C9orf57: variants seen among roughly 807,000 people sequenced by gnomAD.
The protein encoded by C9orf57 is chromosome 9 open reading frame 57.
In C9orf57, 12 loss-of-function variants were observed where a neutral mutation model predicts 12.9. The ratio of observed to expected loss-of-function variants is 0.93; its 90% CI spans 0.60 to 1.51. The LOEUF (loss-of-function observed/expected upper bound fraction) is 1.51, where lower values mean the gene tolerates loss of function less well. Ranked by LOEUF, C9orf57 falls within the 40% of genes most tolerant of loss-of-function variation. The pLI is 0.00. For synonymous variants in C9orf57, 49 were observed against 57.1 expected (o/e 0.86, Z 0.64); for missense variants, 141 against 162.8 (o/e 0.87, Z 0.73).
intron 1 of C9orf57, among the ~76,000 whole-genome samples, chr9:72,060,051 A>ATTG (rs373685847): frequency 7.0e-4 from 101 of 145,298 alleles, no homozygotes; most frequent in Middle Eastern, 3.5e-3. Flanking sequence ...AATTATTATT[A>ATTG]TTATTATTAT....
intron 4 of C9orf57, among the ~76,000 whole-genome samples, chr9:72,054,782 C>T (rs1200753919): frequency 6.6e-6 from 1 of 151,640 alleles, no homozygotes; most frequent in Non-Finnish European, 1.5e-5. Flanking sequence ...TAATGTTATC[C>T]ATGTTTCTTA....
At chr9:72,059,498 G>A in intron 1 of C9orf57, 114 bp from the exon 2 acceptor site, 1 of 1,237,534 alleles carries the variant, frequency 8.1e-7, no homozygotes, top group African/African-American at 1.5e-5. Flanking sequence ...TTGTGAAGGA[G>A]GAAAAATAAG....
chr9:72,053,580 T>C (rs1346621781), intron 4 of C9orf57, among the ~76,000 whole-genome samples: 1 of 152,108 alleles, frequency 6.6e-6, no homozygotes, highest in African/African-American at 2.4e-5. Context: ...AGTCTGGATA[T>C]GTTTCCCATT....
rs1375310314 is a variant in C9orf57, at chr9:72,056,932, AG to A, written c.98-90del. 7.9e-6 allele frequency: 8 copies of A among 1,014,730 alleles called. No homozygotes were observed. The East Asian group carries it at 1.1e-4, about 14-fold the overall frequency. The allele number at this position is 1,014,730 out of a possible 1,614,324, so 62.9% of individuals were successfully genotyped here. ...GTATACTTTTTTTTTTTTTTGAGAC[AG>A]GGTTGCACTCCTGTTACCCAGGCTG... On this transcript the variant is annotated intron_variant, in intron 2 of 4. Coordinates refer to ENST00000651200, the MANE Select transcript of C9orf57 (RefSeq NM_001128618.2).
chr9:72,057,462 G>C (rs1007696191), intron 2 of C9orf57, among the ~76,000 whole-genome samples: 3 of 151,934 alleles, frequency 2.0e-5, no homozygotes, highest in Non-Finnish European at 4.4e-5. Flanking sequence ...CCTAACTCAG[G>C]TGATCTACCC....
chr9:72,055,988 G>A (rs1026204977), intron 4 of C9orf57, 86 bp downstream of exon 4: 2 of 1,390,476 alleles, frequency 1.4e-6, no homozygotes, highest in Non-Finnish European at 1.9e-6. Flanking sequence ...AGCCCTTAGT[G>A]TAGCATCTGG....
intron 3 of C9orf57, 26 bp from the exon 4 acceptor site, chr9:72,056,222 A>G (rs1420010194): frequency 1.3e-6 from 2 of 1,540,522 alleles, no homozygotes; most frequent in African/African-American, 2.7e-5. Flanking sequence ...CAGAAAAATG[A>G]GAAAGTAGTG....
intron 2 of C9orf57, 22 bp from the exon 3 acceptor site, chr9:72,056,865 G>C (rs1448585408): frequency 8.4e-6 from 13 of 1,545,016 alleles, no homozygotes; most frequent in Non-Finnish European, 1.1e-5. Context: ...CCATGGAAGG[G>C]GATTGAAAGA....
chr9:72,054,870 A>T (rs1404301426), intron 4 of C9orf57, among the ~76,000 whole-genome samples: 3 of 145,562 alleles, frequency 2.1e-5, no homozygotes, highest in Non-Finnish European at 4.5e-5. Context: ...CTCTTCATAT[A>T]TTCAAATGTA....
intron 2 of C9orf57, among the ~76,000 whole-genome samples, chr9:72,057,497 A>G (rs1209743300): frequency 6.6e-6 from 1 of 152,178 alleles, no homozygotes; most frequent in Non-Finnish European, 1.5e-5. Flanking sequence ...GAGTGCTGGG[A>G]TTACAGGTGT....
At chr9:72,054,417 G>A (rs533212676) in intron 4 of C9orf57, among the ~76,000 whole-genome samples, 7 of 152,128 alleles carry the variant, frequency 4.6e-5, no homozygotes, top group African/African-American at 7.2e-5. Flanking sequence ...TTGCTTTGTC[G>A]AAGGCTGTGT....
At position 72,052,234 on chromosome 9, in the gene C9orf57, A is replaced by G. The variant is rs1824095680; in HGVS notation, c.*62T>C. On this transcript the variant is annotated 3_prime_UTR_variant, in exon 5 of 5. Transcript: ENST00000651200. Reference sequence around the variant, plus strand: ...AATTGACAATAGCCATCATTTTGTGATAGCCAGGTCAGGCTTCGAGACTGA... The same window carrying G: ...AATTGACAATAGCCATCATTTTGTGGTAGCCAGGTCAGGCTTCGAGACTGA... The G allele has an allele frequency of 6.6e-7, 1 of 1,521,100 alleles. No individual in the cohort carries two copies. The highest frequency in any genetic ancestry group is 1.2e-5 in the South Asian group (1 of 80,170). The allele number at this position is 1,521,100 out of a possible 1,614,324, so 94.2% of individuals were successfully genotyped here. A position where few individuals can be genotyped will look rare whatever the true frequency, so the allele number is the denominator to read the frequency against.
rs1197139930 is a variant in C9orf57 at position 72,052,222 on chromosome 9, C to T, written c.*74G>A. On this transcript the variant is annotated 3_prime_UTR_variant, in exon 5 of 5. Coordinates refer to ENST00000651200, the MANE Select transcript of C9orf57 (RefSeq NM_001128618.2). ...CTGAAGTGGGCTAATTGACAATAGC[C>T]ATCATTTTGTGATAGCCAGGTCAGG... 4.7e-6 allele frequency: 7 copies of T among 1,479,434 alleles called. No individual in the cohort carries two copies. The African/African-American group carries it at 9.8e-5, about 21-fold the overall frequency. The allele number at this position is 1,479,434 out of a possible 1,614,324, so 91.6% of individuals were successfully genotyped here. A position where few individuals can be genotyped will look rare whatever the true frequency, so the allele number is the denominator to read the frequency against.
chr9:72,059,202 A>G (rs1313118761), intron 2 of C9orf57, 33 bp downstream of exon 2: 11 of 1,550,072 alleles, frequency 7.1e-6, no homozygotes, highest in African/African-American at 4.1e-5. Flanking sequence ...ATAATTTTCT[A>G]TCCTTTTAAC....
chr9:72,059,736 G>A (rs535475930), intron 1 of C9orf57, among the ~76,000 whole-genome samples: 1 of 152,262 alleles, frequency 6.6e-6, no homozygotes. Context: ...CACAAGAATC[G>A]CTTGAACCCA....
rs1589302501 is a variant in C9orf57, at chr9:72,059,509, G to T, written c.-53-125C>A. 9 of 1,202,618 alleles carry T rather than the reference G, an allele frequency of 7.5e-6. No individual in the cohort carries two copies. The African/African-American group carries it at 1.2e-4, about 16-fold the overall frequency. The allele number at this position is 1,202,618 out of a possible 1,614,324, so 74.5% of individuals were successfully genotyped here. ...TATTTTGTGAAGGAGGAAAAATAAG[G>T]TACCTGTCTTTATAAAAAAGTCACC... On this transcript the variant is annotated intron_variant, in intron 1 of 4. Coordinates refer to ENST00000651200, the MANE Select transcript of C9orf57 (RefSeq NM_001128618.2).
At chr9:72,053,225 T>C (rs888609720) in intron 4 of C9orf57, among the ~76,000 whole-genome samples, 4 of 152,128 alleles carry the variant, frequency 2.6e-5, no homozygotes, top group African/African-American at 9.7e-5. Flanking sequence ...CATCCTACAA[T>C]ACAAAAGACT....
intron 4 of C9orf57, 87 bp from the exon 5 acceptor site, chr9:72,052,522 G>A: frequency 7.8e-7 from 1 of 1,283,294 alleles, no homozygotes; most frequent in South Asian, 1.5e-5. Flanking sequence ...AGAATACTAA[G>A]CAAAACTTTA....
intron 1 of C9orf57, among the ~76,000 whole-genome samples, chr9:72,060,064 T>C (rs1409972225): frequency 6.6e-6 from 1 of 152,108 alleles, no homozygotes; most frequent in Non-Finnish European, 1.5e-5. Flanking sequence ...ATTATTATTT[T>C]TGAGATGGAG....
Sources: allele counts gnomAD v4.1 joint callset (sites outside exome capture counted in the v4.1 genomes callset), GRCh38; gene constraint gnomAD v4.1.1; transcripts MANE v1.5; gene names NCBI Gene and HGNC (gene_info 2026-07-23, HGNC 2026-07-21).